Variants in SPAG16 observed in about 807,000 individuals in gnomAD.
SPAG16 encodes the protein sperm associated antigen 16, also known as sperm-associated antigen 16 protein.
SPAG16 carries 86 observed loss-of-function variants against 80.4 expected under a neutral mutation model. That is an observed-to-expected ratio of 1.07 (90% CI 0.90 to 1.28). SPAG16 has a LOEUF of 1.28. Ranked by LOEUF, SPAG16 falls within the 50% of genes most tolerant of loss-of-function variation. The pLI, the probability that SPAG16 is intolerant of heterozygous loss-of-function variation, is 0.00. For missense variants in SPAG16, 870 were observed against 765.3 expected (o/e 1.14, Z -1.61); for synonymous variants, 294 against 265.9 (o/e 1.11, Z -1.03).
chr2:214,037,525 A>T (rs1487600015), intron 13 of SPAG16, among the ~76,000 whole-genome samples: 3 of 152,126 alleles, frequency 2.0e-5, no homozygotes, highest in African/African-American at 7.2e-5. Flanking sequence ...TTCTGTGTGT[A>T]TAATATCTAC....
intron 10 of SPAG16, among the ~76,000 whole-genome samples, chr2:213,753,594 A>G (rs1482644305): frequency 2.0e-5 from 3 of 152,226 alleles, no homozygotes; most frequent in Admixed American, 1.3e-4. Context: ...CAGTAGCTAC[A>G]GGTAGGGAAG....
intron 15 of SPAG16, among the ~76,000 whole-genome samples, chr2:214,153,681 T>C (rs2056086956): frequency 1.3e-5 from 2 of 152,062 alleles, no homozygotes; most frequent in African/African-American, 4.8e-5. Flanking sequence ...AGCATAAGTA[T>C]TAATAAACAA....
chr2:213,346,997 T>C (rs1323995068), intron 6 of SPAG16, among the ~76,000 whole-genome samples: 1 of 152,230 alleles, frequency 6.6e-6, no homozygotes, highest in African/African-American at 2.4e-5. Context: ...AGAATTCGGC[T>C]GTGAATCCTT....
chr2:214,165,612 T>A (rs2056622260), intron 15 of SPAG16, among the ~76,000 whole-genome samples: 1 of 150,964 alleles, frequency 6.6e-6, no homozygotes, highest in Admixed American at 6.7e-5. Flanking sequence ...TTCTATAATT[T>A]TTCTCTGTCC....
At chr2:213,763,541 T>C (rs947267574) in intron 10 of SPAG16, among the ~76,000 whole-genome samples, 9 of 152,140 alleles carry the variant, frequency 5.9e-5, no homozygotes, top group Admixed American at 2.0e-4. Flanking sequence ...TGCTGTTCAA[T>C]TGGTGTAGAG....
intron 10 of SPAG16, among the ~76,000 whole-genome samples, chr2:213,598,941 C>T (rs750415669): frequency 6.6e-6 from 1 of 152,116 alleles, no homozygotes; most frequent in Non-Finnish European, 1.5e-5. Context: ...ATATTTGACT[C>T]AGAAAGTTGA....
chr2:213,896,593 C>CTATATAT (rs1553657365), intron 11 of SPAG16, among the ~76,000 whole-genome samples: 1,918 of 119,608 alleles, frequency 0.016, 39 homozygotes, highest in Non-Finnish European at 0.023. Context: ...CACACACACG[C>CTATATAT]ACACACACAC....
chr2:213,844,839 T>C (rs2074533176), intron 10 of SPAG16, among the ~76,000 whole-genome samples: 1 of 152,234 alleles, frequency 6.6e-6, no homozygotes, highest in Admixed American at 6.5e-5. Flanking sequence ...TGAAATTGAT[T>C]TGCTTTCCAA....
chr2:213,503,878 A>G (rs533711549), intron 10 of SPAG16, among the ~76,000 whole-genome samples: 1 of 152,322 alleles, frequency 6.6e-6, no homozygotes, highest in Admixed American at 6.5e-5. Flanking sequence ...GTGGGAGGAA[A>G]AGCAGGTTTT....
At chr2:213,349,911 ACT>A (rs1023553453) in intron 6 of SPAG16, among the ~76,000 whole-genome samples, 3 of 151,976 alleles carry the variant, frequency 2.0e-5, no homozygotes, top group African/African-American at 7.3e-5. Context: ...ATTTCTCAAA[ACT>A]CTGAACTGTA....
At chr2:213,430,496 T>C (rs2070225181) in intron 9 of SPAG16, among the ~76,000 whole-genome samples, 1 of 152,220 alleles carries the variant, frequency 6.6e-6, no homozygotes, top group Non-Finnish European at 1.5e-5. Flanking sequence ...CAGCTATTGT[T>C]ATTGTTAATG....
chr2:213,563,587 C>G (rs533376020), intron 10 of SPAG16, among the ~76,000 whole-genome samples: 3 of 152,316 alleles, frequency 2.0e-5, no homozygotes, highest in African/African-American at 7.2e-5. Flanking sequence ...TAAAAGGCCA[C>G]CAATCCTATT....
chr2:213,674,665 G>A (rs1267485260), intron 10 of SPAG16, among the ~76,000 whole-genome samples: 1 of 149,764 alleles, frequency 6.7e-6, no homozygotes, highest in Non-Finnish European at 1.5e-5. Flanking sequence ...ATAGTTTACT[G>A]AGAATGATGA....
chr2:214,196,719 A>G (rs1202047719), intron 15 of SPAG16, among the ~76,000 whole-genome samples: 1 of 152,032 alleles, frequency 6.6e-6, no homozygotes, highest in Non-Finnish European at 1.5e-5. Context: ...CAAACTAGGA[A>G]AATTTCTTAA....
chr2:213,970,040 A>G (rs2044939279), intron 12 of SPAG16, among the ~76,000 whole-genome samples: 1 of 152,156 alleles, frequency 6.6e-6, no homozygotes, highest in African/African-American at 2.4e-5. Flanking sequence ...GCCTGCTTCA[A>G]ATATGGTATC....
intron 10 of SPAG16, among the ~76,000 whole-genome samples, chr2:213,637,978 C>T (rs943110563): frequency 2.0e-5 from 3 of 152,216 alleles, no homozygotes; most frequent in South Asian, 2.1e-4. Flanking sequence ...AGGATGGTCT[C>T]GATTTCCTGA....
intron 9 of SPAG16, among the ~76,000 whole-genome samples, chr2:213,478,436 A>G (rs1012505787): frequency 2.0e-5 from 3 of 152,178 alleles, no homozygotes; most frequent in Admixed American, 1.3e-4. Flanking sequence ...GGATTTGTAA[A>G]TTCTGTAATG....
rs763561383 is a variant in SPAG16, at chr2:214,014,094, CT to C, written c.1527+24del. On this transcript the variant is annotated intron_variant, in intron 13 of 15. Transcript: ENST00000331683. ...GCAAGAACAGTAAGCAAATCATTCACTTTTTTTCCCAGCTTTTGATAAGTCT... is the reference window on the plus strand; with the variant it reads ...GCAAGAACAGTAAGCAAATCATTCACTTTTTTCCCAGCTTTTGATAAGTCT... The C allele has an allele frequency of 5.0e-6, 8 of 1,610,448 alleles. No homozygotes were observed. Among genetic ancestry groups the C allele is most frequent in the South Asian group, 1.1e-5 (1 of 90,884 alleles).
rs561628264 is a variant in SPAG16 at position 214,052,871 on chromosome 2, C to T, written c.1527+38794C>T. 2.0e-5 allele frequency among the ~76,000 whole-genome samples: 3 copies of T among 152,268 alleles called. No homozygotes were observed. The South Asian group carries it at 6.2e-4, about 32-fold the overall frequency. ...AACTTACTGACTTTCTATAAAACAT[C>T]CTTTATTTCCTAGCAATGTGGTTGA... is the stretch of plus-strand genomic sequence containing the variant. On this transcript the variant is annotated intron_variant, in intron 13 of 15. Transcript: ENST00000331683.
Sources: gnomAD v4.1 joint callset for allele counts (sites outside exome capture counted in the v4.1 genomes callset) on GRCh38, gnomAD v4.1.1 for gene constraint, MANE v1.5 for transcripts, NCBI Gene and HGNC (gene_info 2026-07-23, HGNC 2026-07-21) for gene names.